The following AKAP19 variants were observed in gnomAD, a reference collection of about 807,000 sequenced individuals.
AKAP19 encodes A-kinase anchoring protein 19.
chr2:189,966,399 T>G, the AKAP19 span, among the ~76,000 whole-genome samples: 1 of 152,156 alleles, frequency 6.6e-6, no homozygotes. Flanking sequence ...AACCTTCAAT[T>G]TGTAAAAAAT....
chr2:189,899,745 T>A, the AKAP19 span, among the ~76,000 whole-genome samples: 4 of 152,098 alleles, frequency 2.6e-5, no homozygotes, highest in East Asian at 5.8e-4. Context: ...CCCCTTTGAC[T>A]ATTACCCTCT....
At chr2:190,010,816 G>T in the AKAP19 span, among the ~76,000 whole-genome samples, 3 of 152,070 alleles carry the variant, frequency 2.0e-5, no homozygotes, top group Admixed American at 6.6e-5. Flanking sequence ...TGTATATAAT[G>T]TGGAATTATT....
At chr2:190,044,594 G>A in the AKAP19 span, among the ~76,000 whole-genome samples, 1 of 152,114 alleles carries the variant, frequency 6.6e-6, no homozygotes, top group African/African-American at 2.4e-5. Context: ...CTACTGGCTC[G>A]ATAGCTCTGG....
the AKAP19 span, among the ~76,000 whole-genome samples, chr2:189,888,816 G>C: frequency 6.6e-6 from 1 of 152,180 alleles, no homozygotes; most frequent in Non-Finnish European, 1.5e-5. Context: ...TGCTGAAGTT[G>C]GTTGTCAGCT....
the AKAP19 span, among the ~76,000 whole-genome samples, chr2:189,958,607 CAT>C: frequency 6.7e-6 from 1 of 150,232 alleles, no homozygotes; most frequent in Non-Finnish European, 1.5e-5. Context: ...CACACACACA[CAT>C]CCATTAGAAC....
chr2:190,142,427 G>T, the AKAP19 span, among the ~76,000 whole-genome samples: 3 of 152,182 alleles, frequency 2.0e-5, no homozygotes, highest in Admixed American at 6.5e-5. Flanking sequence ...TATTTATGAG[G>T]TATAATGTAT....
the AKAP19 span, among the ~76,000 whole-genome samples, chr2:189,897,553 A>C: frequency 6.6e-6 from 1 of 152,248 alleles, no homozygotes; most frequent in African/African-American, 2.4e-5. Context: ...GACCCATCTT[A>C]AGCAAATCTG....
the AKAP19 span, among the ~76,000 whole-genome samples, chr2:190,073,721 C>A: frequency 2.0e-5 from 3 of 151,572 alleles, no homozygotes; most frequent in Admixed American, 1.3e-4. Context: ...GTTTCTTTAC[C>A]CTGGTTGTAC....
the AKAP19 span, among the ~76,000 whole-genome samples, chr2:190,184,455 A>C: frequency 1.3e-5 from 2 of 152,224 alleles, no homozygotes; most frequent in Non-Finnish European, 2.9e-5. Flanking sequence ...TAAATAGGAA[A>C]ACTTTAGTAA....
the AKAP19 span, among the ~76,000 whole-genome samples, chr2:190,046,948 GATT>G: frequency 6.6e-6 from 1 of 152,036 alleles, no homozygotes; most frequent in African/African-American, 2.4e-5. Context: ...GGCTTCACCA[GATT>G]TTAAAAGGGA....
chr2:190,077,326 C>T, the AKAP19 span, among the ~76,000 whole-genome samples: 12 of 151,930 alleles, frequency 7.9e-5, no homozygotes, highest in African/African-American at 2.4e-4. Flanking sequence ...TCTCCTGCCT[C>T]AGCCTCCCGA....
At chr2:190,097,223 C>T in the AKAP19 span, among the ~76,000 whole-genome samples, 1 of 152,138 alleles carries the variant, frequency 6.6e-6, no homozygotes, top group South Asian at 2.1e-4. Context: ...CTCTCCCTCC[C>T]CCTAACCCCT....
the AKAP19 span, among the ~76,000 whole-genome samples, chr2:190,177,899 A>T: frequency 6.6e-6 from 1 of 152,222 alleles, no homozygotes. The surrounding 1 kb of genome is among the most constrained non-coding windows in gnomAD (Gnocchi z 4.6). Flanking sequence ...GGATTTTATC[A>T]TTGCTGTTTT....
the AKAP19 span, among the ~76,000 whole-genome samples, chr2:190,013,009 C>T: frequency 6.6e-6 from 1 of 151,908 alleles, no homozygotes; most frequent in African/African-American, 2.4e-5. Context: ...ATTTGGTTTG[C>T]TGTTATTTTG....
chr2:190,134,142 T>G, the AKAP19 span, among the ~76,000 whole-genome samples: 1 of 152,112 alleles, frequency 6.6e-6, no homozygotes, highest in Non-Finnish European at 1.5e-5. Flanking sequence ...TAGGACTGAT[T>G]AGTGAGAGTG....
At chr2:189,926,454 T>G in the AKAP19 span, among the ~76,000 whole-genome samples, 1 of 150,922 alleles carries the variant, frequency 6.6e-6, no homozygotes, top group Admixed American at 6.6e-5. Context: ...GCCCCGCTAA[T>G]TTTTTGGGTT....
the AKAP19 span, among the ~76,000 whole-genome samples, chr2:190,068,529 C>T: frequency 1.3e-5 from 2 of 152,120 alleles, no homozygotes; most frequent in Non-Finnish European, 2.9e-5. Context: ...CGGCGTTTTG[C>T]CATGTTGGCT....
At chr2:189,892,875 G>A in the AKAP19 span, among the ~76,000 whole-genome samples, 1 of 152,180 alleles carries the variant, frequency 6.6e-6, no homozygotes, top group Non-Finnish European at 1.5e-5. Flanking sequence ...GGAGATGGGA[G>A]TTTTGTCTCT....
chr2:190,117,423 T>G, the AKAP19 span, among the ~76,000 whole-genome samples: 4 of 152,182 alleles, frequency 2.6e-5, no homozygotes, highest in South Asian at 4.1e-4. Flanking sequence ...CTTTCATTAT[T>G]CTTGAAGGAA....
Sources: allele counts gnomAD v4.1 joint callset (sites outside exome capture counted in the v4.1 genomes callset), GRCh38; gene constraint gnomAD v4.1.1; non-coding constraint Gnocchi (gnomAD v3.1); transcripts MANE v1.5; gene names NCBI Gene and HGNC (gene_info 2026-07-23, HGNC 2026-07-21).